The following KIF15 variants were observed in gnomAD, a reference collection of about 807,000 sequenced individuals.
KIF15 encodes the protein kinesin family member 15.
A neutral mutation model predicts 190.6 loss-of-function variants in KIF15; 140 were observed. The ratio of observed to expected loss-of-function variants is 0.73; its 90% CI spans 0.64 to 0.84. KIF15 has a LOEUF of 0.84. Among genes scored for constraint, KIF15 ranks in the 40% least tolerant of loss-of-function variants. The probability of loss-of-function intolerance (pLI) is 0.00; values close to 1 mark genes in which losing one functional copy is unlikely to be tolerated. For synonymous variants in KIF15, 528 were observed against 551.3 expected, an observed-to-expected ratio of 0.96 and a Z score of 0.59; for missense variants, 1,372 against 1,584.4, an observed-to-expected ratio of 0.87 and a Z score of 2.28.
At chr3:44,865,113 G>A (rs778811474) in intron 6 of KIF15, 3 of 1,614,136 alleles carry the variant, frequency 1.9e-6, no homozygotes, top group South Asian at 1.1e-5. Context: ...CTTATTCTCT[G>A]CGGACTCACC....
At chr3:44,780,771 T>C (rs1011896872) in intron 4 of KIF15, 114 bp from the exon 5 acceptor site, 29 of 633,506 alleles carry the variant, frequency 4.6e-5, no homozygotes, top group Middle Eastern at 4.5e-4. Flanking sequence ...AATTTAAAAA[T>C]AGAAAGAAAA....
At chr3:44,828,036 G>T (rs1008798962) in intron 23 of KIF15, among the ~76,000 whole-genome samples, 178 bp from the exon 24 acceptor site, 1 of 152,028 alleles carries the variant, frequency 6.6e-6, no homozygotes, top group Non-Finnish European at 1.5e-5. Context: ...ATAATTTGTT[G>T]GTAGTCTCCT....
Position 44,830,024 on chromosome 3 carries a change from T to C in KIF15, c.2997T>C (p.Cys999=). Residue 999 remains cysteine (C), a synonymous_variant, in exon 25 of 35, where the codon TGT becomes TGC. Transcript: ENST00000326047. ...NQIQELRTSV[C]EKTETIDTLK... ...TCCAGGAGCTAAGAACATCGGTCTG[T>C]GAGAAAACAGAAACTATAGACACCC... 1 of 1,597,918 alleles carries C rather than the reference T, an allele frequency of 6.3e-7. No homozygotes were observed. Among genetic ancestry groups the C allele is most frequent in the Non-Finnish European group, 8.5e-7 (1 of 1,173,784 alleles).
At chr3:44,843,101 A>C (rs1698680670) in intron 29 of KIF15, 24 bp from the exon 30 acceptor site, 1 of 1,566,850 alleles carries the variant, frequency 6.4e-7, no homozygotes, top group Non-Finnish European at 8.7e-7. Context: ...TGTTTTTTGA[A>C]AAGATACGAT....
chr3:44,781,868 AG>A (rs1375780972), intron 5 of KIF15, among the ~76,000 whole-genome samples: 2 of 152,308 alleles, frequency 1.3e-5, no homozygotes, highest in South Asian at 2.1e-4. Flanking sequence ...TTAAAAAATT[AG>A]CTTGACTTTT....
chr3:44,829,645 A>T, intron 24 of KIF15, among the ~76,000 whole-genome samples: 1 of 132,004 alleles, frequency 7.6e-6, no homozygotes, highest in African/African-American at 2.9e-5. Flanking sequence ...TGTATATATT[A>T]TATATGTATA....
intron 32 of KIF15, among the ~76,000 whole-genome samples, chr3:44,851,203 C>T (rs369894047): frequency 3.3e-5 from 5 of 152,260 alleles, no homozygotes; most frequent in African/African-American, 1.2e-4. Flanking sequence ...GAGTTGGAGG[C>T]TGCAGTGAGC....
At chr3:44,831,234 A>G (rs1170254975) in intron 26 of KIF15, among the ~76,000 whole-genome samples, 1 of 152,070 alleles carries the variant, frequency 6.6e-6, no homozygotes, top group African/African-American at 2.4e-5. Flanking sequence ...GCTGTGCCTG[A>G]GATACTCCAC....
intron 4 of KIF15, among the ~76,000 whole-genome samples, chr3:44,779,589 C>T (rs1403355248): frequency 1.3e-5 from 2 of 152,084 alleles, no homozygotes; most frequent in Non-Finnish European, 2.9e-5. Context: ...AATCCCAGCA[C>T]TTTGGGGGGC....
At chr3:44,799,381 TG>T (rs1245585771) in intron 10 of KIF15, 1 of 456,060 alleles carries the variant, frequency 2.2e-6, no homozygotes, top group African/African-American at 2.0e-5. Flanking sequence ...GTGAGCAAAT[TG>T]GGCTTACAGC....
rs1482045900 is a variant in KIF15, at chr3:44,774,558, G to T, written c.62+121G>T. 7 of 790,582 alleles carry T rather than the reference G, an allele frequency of 8.9e-6. No homozygotes were observed. In the African/African-American group the frequency reaches 1.2e-4, roughly 14 times the overall value. The allele number at this position is 790,582 out of a possible 1,614,324, so 49.0% of individuals were successfully genotyped here. ...AATTTAACTTAGTCCTCAACCAGCTGGAAATGTGGGAAAACTGCATATTAC... is the reference window on the plus strand; with the variant it reads ...AATTTAACTTAGTCCTCAACCAGCTTGAAATGTGGGAAAACTGCATATTAC... On this transcript the variant is annotated intron_variant, in intron 2 of 34. Transcript: ENST00000326047.
intron 7 of KIF15, among the ~76,000 whole-genome samples, chr3:44,788,797 T>C (rs1221808932): frequency 6.6e-6 from 1 of 152,198 alleles, no homozygotes; most frequent in Non-Finnish European, 1.5e-5. Context: ...TCTGAAAGTA[T>C]TTGTGCCTGG....
At chr3:44,762,087 T>A (rs1705173036) in intron 1 of KIF15, among the ~76,000 whole-genome samples, 1 of 152,220 alleles carries the variant, frequency 6.6e-6, no homozygotes, top group South Asian at 2.1e-4. Flanking sequence ...TTCAGTGTCC[T>A]GTGCGCATGC....
intron 30 of KIF15, among the ~76,000 whole-genome samples, chr3:44,847,175 T>C (rs537647036): frequency 1.8e-4 from 27 of 152,334 alleles, no homozygotes; most frequent in African/African-American, 6.5e-4. Context: ...GCTGCCAGAT[T>C]TGTTAAGGGA....
chr3:44,852,449 A>T, intron 34 of KIF15, 110 bp downstream of exon 34: 4 of 1,056,036 alleles, frequency 3.8e-6, no homozygotes, highest in Middle Eastern at 2.8e-4. Context: ...TACTTCAGGG[A>T]GCTTCCTGAA....
At chr3:44,836,690 G>A (rs1178826010) in intron 26 of KIF15, among the ~76,000 whole-genome samples, 1 of 152,164 alleles carries the variant, frequency 6.6e-6, no homozygotes, top group Non-Finnish European at 1.5e-5. Context: ...GAAACATTAG[G>A]AGTTCAGCCT....
chr3:44,808,120 G>C (rs2125650625), intron 16 of KIF15, among the ~76,000 whole-genome samples: 1 of 151,904 alleles, frequency 6.6e-6, no homozygotes, highest in South Asian at 2.1e-4. Flanking sequence ...TTTTTTTACT[G>C]TTGCTTTTTA....
chr3:44,792,135 A>G (rs1283645123), intron 7 of KIF15, among the ~76,000 whole-genome samples: 2 of 152,162 alleles, frequency 1.3e-5, no homozygotes, highest in Non-Finnish European at 2.9e-5. Context: ...AATATACAGT[A>G]TTTAATGTTA....
intron 14 of KIF15, 142 bp downstream of exon 14, chr3:44,803,133 T>C: frequency 1.8e-6 from 1 of 570,844 alleles, no homozygotes; most frequent in Non-Finnish European, 2.7e-6. Flanking sequence ...TTTTATATTA[T>C]AGAAAGGTAT....
Sources: allele counts gnomAD v4.1 joint callset (sites outside exome capture counted in the v4.1 genomes callset), GRCh38; gene constraint gnomAD v4.1.1; transcripts MANE v1.5; gene names NCBI Gene and HGNC (gene_info 2026-07-23, HGNC 2026-07-21).